Variants in ARSB observed in about 807,000 individuals in gnomAD.
ARSB encodes N-acetylgalactosamine-4-sulfatase.
A neutral mutation model predicts 50.9 loss-of-function variants in ARSB; 41 were observed. The observed-to-expected ratio is 0.81, with a 90% CI of 0.63 to 1.04. The LOEUF is 1.04. ARSB is among the 50% of genes least tolerant of loss of function. The pLI, the probability that ARSB is intolerant of heterozygous loss-of-function variation, is 0.00. For synonymous variants in ARSB, 269 were observed against 284.8 expected (o/e 0.94, Z 0.56); for missense variants, 672 against 693.3 (o/e 0.97, Z 0.35).
At chr5:78,795,765 C>T (rs904496127) in intron 6 of ARSB, among the ~76,000 whole-genome samples, 1 of 152,136 alleles carries the variant, frequency 6.6e-6, no homozygotes, top group African/African-American at 2.4e-5. Flanking sequence ...TTAAAATGCT[C>T]ATAATTTTTA....
At chr5:78,878,319 A>G (rs572648686) in intron 5 of ARSB, among the ~76,000 whole-genome samples, 83 of 152,320 alleles carry the variant, frequency 5.4e-4, no homozygotes, top group African/African-American at 1.9e-3. Context: ...ATAATGAAGG[A>G]CAGGCCGATA....
Position 78,920,042 on chromosome 5 carries a change from G to GAA in ARSB, c.899-34217_899-34216dup, listed in dbSNP as rs35496004. Among the ~76,000 whole-genome samples the GAA allele has an allele frequency of 2.0e-4, 31 of 151,940 alleles. 1 individual carries two copies. In the East Asian group the frequency reaches 3.7e-3, roughly 18 times the overall value. On this transcript the variant is annotated intron_variant, in intron 4 of 7. Coordinates refer to ENST00000264914, the MANE Select transcript of ARSB (RefSeq NM_000046.5). ...TAGGGAGCATGAATGCATTTTCAGGGAAAAAAAGGCCAGCTTCACATCCAA... is the reference window on the plus strand; with the variant it reads ...TAGGGAGCATGAATGCATTTTCAGGGAAAAAAAAAGGCCAGCTTCACATCCAA...
At chr5:78,951,836 A>C (rs551588172) in intron 4 of ARSB, among the ~76,000 whole-genome samples, 2 of 152,324 alleles carry the variant, frequency 1.3e-5, no homozygotes, top group East Asian at 1.9e-4. Flanking sequence ...TCTATAAACT[A>C]TTCCAGAGCA....
At chr5:78,809,617 G>A (rs1402567684) in intron 6 of ARSB, among the ~76,000 whole-genome samples, 3 of 152,236 alleles carry the variant, frequency 2.0e-5, no homozygotes, top group African/African-American at 7.2e-5. Context: ...CCCATCCTAC[G>A]GTCAGGCTGA....
At position 78,875,726 on chromosome 5, in the gene ARSB, G is replaced by A. The variant is rs781350420; in HGVS notation, c.1142+9858C>T. Among the ~76,000 whole-genome samples the A allele has an allele frequency of 2.0e-4, 31 of 151,432 alleles. 1 individual carries two copies. The highest frequency in any genetic ancestry group is 2.9e-4 in the Non-Finnish European group (20 of 67,968). ...TCTTTTACCCAGGCTGAAGTGCAGC[G>A]GCGCAATCTCGGCTCACTGCAACTT... On this transcript the variant is annotated intron_variant, in intron 5 of 7. Coordinates refer to ENST00000264914, the MANE Select transcript of ARSB (RefSeq NM_000046.5).
At chr5:78,815,281 T>G (rs973940072) in intron 6 of ARSB, among the ~76,000 whole-genome samples, 1 of 150,872 alleles carries the variant, frequency 6.6e-6, no homozygotes, top group African/African-American at 2.5e-5. Context: ...CCTTCCCTGT[T>G]GACCTTCCCC....
In ARSB at chr5:78,818,800, G is replaced by T. The variant is rs929571952; in HGVS notation, c.1213+20556C>A. ...AAGGGACATGCTTTTCAAGTGTCTT[G>T]CTTGATCTCCTATCATAATGAATCC... On this transcript the variant is annotated intron_variant, in intron 6 of 7. Transcript: ENST00000264914. Among the ~76,000 whole-genome samples the T allele has an allele frequency of 9.2e-5, 14 of 152,056 alleles. No individual in the cohort carries two copies. The South Asian group carries it at 2.9e-3, about 32-fold the overall frequency.
At chr5:78,785,096 C>G (rs1163618532) in intron 6 of ARSB, among the ~76,000 whole-genome samples, 1 of 152,138 alleles carries the variant, frequency 6.6e-6, no homozygotes, top group Non-Finnish European at 1.5e-5. Flanking sequence ...CCGCACCTGG[C>G]CTGATTTTAT....
At chr5:78,854,281 G>A (rs1237397460) in intron 5 of ARSB, among the ~76,000 whole-genome samples, 1 of 152,166 alleles carries the variant, frequency 6.6e-6, no homozygotes, top group South Asian at 2.1e-4. Context: ...GATTTGGCTT[G>A]TTCTTGCTTT....
intron 5 of ARSB, among the ~76,000 whole-genome samples, chr5:78,851,523 A>C (rs36144584): frequency 6.6e-6 from 1 of 151,858 alleles, no homozygotes; most frequent in African/African-American, 2.4e-5. Flanking sequence ...GTGCTGAAAA[A>C]AATGTATATT....
intron 6 of ARSB, among the ~76,000 whole-genome samples, chr5:78,826,054 T>C (rs1744419966): frequency 1.1e-5 from 1 of 89,836 alleles, no homozygotes; most frequent in Admixed American, 1.0e-4. Context: ...TTTTTCTTTC[T>C]TTTTTTTTTT....
chr5:78,829,248 G>A (rs927726283), intron 6 of ARSB, among the ~76,000 whole-genome samples: 2 of 152,214 alleles, frequency 1.3e-5, no homozygotes, highest in African/African-American at 2.4e-5. Flanking sequence ...GTTGTTTTAA[G>A]CCATTGAGTT....
At chr5:78,977,011 G>A (rs911180541) in intron 1 of ARSB, among the ~76,000 whole-genome samples, 3 of 152,162 alleles carry the variant, frequency 2.0e-5, no homozygotes, top group African/African-American at 7.2e-5. Context: ...GTGCATGGCT[G>A]ACTCCCTTCA....
intron 4 of ARSB, among the ~76,000 whole-genome samples, chr5:78,928,305 CTTTTTTTTT>C (rs34737292): frequency 0.019 from 1,350 of 72,494 alleles, 20 homozygotes; most frequent in African/African-American, 0.06. Flanking sequence ...TTTGCTTTTG[CTTTTTTTTT>C]TTTTTTTTTT....
At chr5:78,812,628 CACAT>C (rs763999904) in intron 6 of ARSB, among the ~76,000 whole-genome samples, 6,358 of 148,468 alleles carry the variant, frequency 0.043, 171 homozygotes, top group East Asian at 0.12. Context: ...CACACACACA[CACAT>C]GATATCACAA....
chr5:78,920,654 C>A (rs188346213), intron 4 of ARSB, among the ~76,000 whole-genome samples: 3 of 137,468 alleles, frequency 2.2e-5, no homozygotes, highest in Admixed American at 1.5e-4. Context: ...GGGTGAGCAT[C>A]CCTCGGCACC....
chr5:78,827,404 T>A (rs1407039785), intron 6 of ARSB, among the ~76,000 whole-genome samples: 1 of 151,668 alleles, frequency 6.6e-6, no homozygotes, highest in Non-Finnish European at 1.5e-5. Flanking sequence ...AAAGACGGGG[T>A]TTTGCCATGT....
At position 78,905,910 on chromosome 5, in the gene ARSB, CA is replaced by C. The variant is rs57651882; in HGVS notation, c.899-20084del. 3.2e-3 allele frequency among the ~76,000 whole-genome samples: 298 copies of C among 94,348 alleles called. 1 individual carries two copies. Among genetic ancestry groups the C allele is most frequent in the African/African-American group, 0.01 (240 of 23,752 alleles). The allele number at this position is 94,348 out of a possible 152,430, so 61.9% of individuals were successfully genotyped here. A position where few individuals can be genotyped will look rare whatever the true frequency, so the allele number is the denominator to read the frequency against. Reference sequence around the variant, plus strand: ...GAGGTTGCCTTTGGGAGCAAAGTAGCAAAAAAAAAAAAAAAAAAAAAAAAAA... The same window carrying C: ...GAGGTTGCCTTTGGGAGCAAAGTAGCAAAAAAAAAAAAAAAAAAAAAAAAA... On this transcript the variant is annotated intron_variant, in intron 4 of 7. Coordinates refer to ENST00000264914, the MANE Select transcript of ARSB (RefSeq NM_000046.5).
chr5:78,964,558 A>T lies in ARSB; in HGVS notation c.548T>A (p.Leu183Ter). 1.9e-6 allele frequency: 3 copies of T among 1,613,992 alleles called. No individual in the cohort carries two copies. Among genetic ancestry groups the T allele is most frequent in the Non-Finnish European group, 2.5e-6 (3 of 1,179,930 alleles). Residue 183 changes from leucine (L) to a stop codon, truncating the protein, a stop_gained, in exon 3 of 8, where the codon TTA becomes TAA. Transcript: ENST00000264914. LOFTEE classifies it high-confidence loss of function. ...EDYYSHERCT[L>*]IDALNVTRCA... The stretch of plus-strand genomic sequence containing the variant: ...TCGTGTGACATTCAGAGCGTCAATT[A>T]ATGTACAGCGTTCATGGGAATAATA...
Sources: allele counts gnomAD v4.1 joint callset (sites outside exome capture counted in the v4.1 genomes callset), GRCh38; gene constraint gnomAD v4.1.1; transcripts MANE v1.5; gene names NCBI Gene and HGNC (gene_info 2026-07-23, HGNC 2026-07-21).